The following SH3RF3 variants were observed in gnomAD, a reference collection of about 807,000 sequenced individuals.
SH3RF3 encodes SH3 domain containing ring finger 3.
SH3RF3 carries 29 observed loss-of-function variants against 66.3 expected under a neutral mutation model. The ratio of observed to expected loss-of-function variants is 0.44; its 90% CI spans 0.33 to 0.60. The LOEUF is 0.60. SH3RF3 is among the 20% of genes least tolerant of loss of function. The probability of loss-of-function intolerance (pLI) is 0.04; values close to 1 mark genes in which losing one functional copy is unlikely to be tolerated. For missense variants in SH3RF3, 1,194 were observed against 1,190.9 expected (o/e 1.00, Z -0.04); for synonymous variants, 583 against 532.0 (o/e 1.10, Z -1.32).
At chr2:109,178,889 A>G (rs946910630) in intron 1 of SH3RF3, among the ~76,000 whole-genome samples, 8 of 152,038 alleles carry the variant, frequency 5.3e-5, no homozygotes, top group Non-Finnish European at 1.5e-5. Flanking sequence ...CTTCATGGAA[A>G]CCTCCTGAGA....
chr2:109,170,229 CTTCTCTTCTT>C (rs1158510983), intron 1 of SH3RF3, among the ~76,000 whole-genome samples: 795 of 72,966 alleles, frequency 0.011, 6 homozygotes, highest in East Asian at 0.064. Context: ...TTTCTCTTCT[CTTCTCTTCTT>C]TTCTTTTCTC....
chr2:109,460,201 C>T (rs1678174743), intron 8 of SH3RF3, among the ~76,000 whole-genome samples: 1 of 152,202 alleles, frequency 6.6e-6, no homozygotes, highest in Non-Finnish European at 1.5e-5. Flanking sequence ...ATTCTGAAGT[C>T]CATGGATATT....
intron 2 of SH3RF3, among the ~76,000 whole-genome samples, chr2:109,352,790 C>T (rs953813047): frequency 1.9e-4 from 29 of 152,236 alleles, no homozygotes; most frequent in African/African-American, 5.5e-4. Context: ...TCGCAGGGCA[C>T]GGGGCAGAGG....
At chr2:109,457,144 G>A (rs1573267527) in intron 8 of SH3RF3, among the ~76,000 whole-genome samples, 2 of 152,252 alleles carry the variant, frequency 1.3e-5, no homozygotes, top group Admixed American at 1.3e-4. Context: ...TGAGTTGTTG[G>A]GAGTAGTAAA....
At chr2:109,438,108 G>A (rs1677461352) in intron 7 of SH3RF3, among the ~76,000 whole-genome samples, 1 of 152,224 alleles carries the variant, frequency 6.6e-6, no homozygotes, top group Non-Finnish European at 1.5e-5. Flanking sequence ...CCCATTAGAA[G>A]TGTCCAGAAA....
intron 6 of SH3RF3, among the ~76,000 whole-genome samples, chr2:109,434,194 G>A (rs1254017498): frequency 6.6e-6 from 1 of 152,220 alleles, no homozygotes; most frequent in Non-Finnish European, 1.5e-5. Flanking sequence ...CCTCCAGGAA[G>A]GCGCAGCCTG....
At position 109,376,934 on chromosome 2, in the gene SH3RF3, T is replaced by G. The variant is rs549559074; in HGVS notation, c.945+5253T>G. Among the ~76,000 whole-genome samples the G allele has an allele frequency of 4.6e-5, 7 of 152,316 alleles. No homozygotes were observed. In the East Asian group the frequency reaches 1.2e-3, roughly 25 times the overall value. On this transcript the variant is annotated intron_variant, in intron 3 of 9. Coordinates refer to ENST00000309415, the MANE Select transcript of SH3RF3 (RefSeq NM_001099289.3). ...TGCCTAGATAGACCCTAGTCTGCAA[T>G]GTGAGGACAGACAGAGATGGGGTGC...
intron 1 of SH3RF3, among the ~76,000 whole-genome samples, chr2:109,143,695 A>T (rs896163756): frequency 6.6e-6 from 1 of 152,286 alleles, no homozygotes; most frequent in East Asian, 1.9e-4. Flanking sequence ...TTGAGGCTGC[A>T]GTGAGCCGTG....
At chr2:109,228,660 G>T (rs557056714) in intron 1 of SH3RF3, among the ~76,000 whole-genome samples, 2 of 152,140 alleles carry the variant, frequency 1.3e-5, no homozygotes, top group African/African-American at 4.8e-5. Context: ...TGCAAATCTG[G>T]TTTATTATAT....
intron 8 of SH3RF3, among the ~76,000 whole-genome samples, chr2:109,489,312 C>G (rs140708309): frequency 5.6e-4 from 85 of 152,366 alleles, no homozygotes; most frequent in African/African-American, 2.0e-3. Flanking sequence ...TAAGCAGTAT[C>G]CCACAGCCAC....
intron 1 of SH3RF3, among the ~76,000 whole-genome samples, chr2:109,137,328 G>A (rs1676836932): frequency 6.6e-6 from 1 of 152,222 alleles, no homozygotes; most frequent in African/African-American, 2.4e-5. Context: ...GGGGAAAGAA[G>A]ATGATGAGGC....
chr2:109,342,825 C>T (rs528600561), intron 1 of SH3RF3, among the ~76,000 whole-genome samples: 6 of 152,312 alleles, frequency 3.9e-5, no homozygotes, highest in Admixed American at 3.3e-4. Flanking sequence ...GATGTGTGTG[C>T]CACATCTGAG....
Position 109,219,005 on chromosome 2 carries a change from C to T in SH3RF3, c.573+88892C>T, listed in dbSNP as rs937796134. Among the ~76,000 whole-genome samples, 3 of 152,226 alleles carry T rather than the reference C, an allele frequency of 2.0e-5. No homozygotes were observed. In the East Asian group the frequency reaches 5.8e-4, roughly 29 times the overall value. The stretch of plus-strand genomic sequence containing the variant: ...TCTGGGATTATGCCTGTTATGGGCA[C>T]TGACCTCTCTTTCTTGGCTGCAGTG... On this transcript the variant is annotated intron_variant, in intron 1 of 9. Coordinates refer to ENST00000309415, the MANE Select transcript of SH3RF3 (RefSeq NM_001099289.3).
intron 8 of SH3RF3, among the ~76,000 whole-genome samples, chr2:109,466,041 CTT>C (rs906692321): frequency 2.9e-5 from 4 of 136,882 alleles, no homozygotes; most frequent in African/African-American, 1.1e-4. Flanking sequence ...TGCTGAGCAT[CTT>C]TTCATATGCT....
At chr2:109,364,086 C>G (rs918910731) in intron 2 of SH3RF3, among the ~76,000 whole-genome samples, 3 of 151,600 alleles carry the variant, frequency 2.0e-5, no homozygotes, top group African/African-American at 4.8e-5. Flanking sequence ...TCTAGTATTC[C>G]CATTACATAT....
rs760444158 is a variant in SH3RF3 at position 109,230,160 on chromosome 2, G to A, written c.573+100047G>A. 7.9e-5 allele frequency among the ~76,000 whole-genome samples: 12 copies of A among 151,944 alleles called. No homozygotes were observed. The South Asian group carries it at 1.5e-3, about 18-fold the overall frequency. ...TCTTCTTAAGGCAGACTAATATTCC[G>A]TCGTATGGATATACTATATATTGTT... is the stretch of plus-strand genomic sequence containing the variant. On this transcript the variant is annotated intron_variant, in intron 1 of 9. Transcript: ENST00000309415.
intron 8 of SH3RF3, among the ~76,000 whole-genome samples, chr2:109,487,754 G>A (rs189124365): frequency 1.6e-3 from 237 of 152,186 alleles, no homozygotes; most frequent in African/African-American, 5.4e-3. Flanking sequence ...TCTGCCCACC[G>A]AGTCCCTCTC....
chr2:109,422,838 G>A (rs71425248), intron 5 of SH3RF3, among the ~76,000 whole-genome samples: 9 of 152,202 alleles, frequency 5.9e-5, no homozygotes, highest in South Asian at 4.1e-4. Flanking sequence ...GTGAAGGACC[G>A]GAGGAGGCAG....
chr2:109,383,650 A>C (rs1235847123), intron 3 of SH3RF3, among the ~76,000 whole-genome samples: 1 of 152,140 alleles, frequency 6.6e-6, no homozygotes, highest in Non-Finnish European at 1.5e-5. Context: ...TCCACCTGTG[A>C]TGCAGAATGA....
Sources: allele counts gnomAD v4.1 joint callset (sites outside exome capture counted in the v4.1 genomes callset), GRCh38; gene constraint gnomAD v4.1.1; transcripts MANE v1.5; gene names NCBI Gene and HGNC (gene_info 2026-07-23, HGNC 2026-07-21).